The following NPAS2 variants were observed in gnomAD, a reference collection of about 807,000 sequenced individuals.
The protein encoded by NPAS2 is neuronal PAS domain protein 2.
In NPAS2, 23 loss-of-function variants were observed where a neutral mutation model predicts 107.5. That is an observed-to-expected ratio of 0.21 (90% CI 0.15 to 0.30). The LOEUF (loss-of-function observed/expected upper bound fraction) is 0.30, where lower values mean the gene tolerates loss of function less well. NPAS2 is among the 10% of genes least tolerant of loss of function. The pLI, the probability that NPAS2 is intolerant of heterozygous loss-of-function variation, is 1.00. For missense variants in NPAS2, 756 were observed against 1,043.3 expected, an observed-to-expected ratio of 0.72 and a Z score of 3.79; for synonymous variants, 403 against 417.5, an observed-to-expected ratio of 0.97 and a Z score of 0.42.
chr2:100,984,322 C>T (rs943150407), intron 16 of NPAS2: 1 of 152,132 alleles, frequency 6.6e-6, no homozygotes, highest in African/African-American at 2.4e-5. Context: ...TTAAACTAAA[C>T]TGTGTGATTC....
At chr2:100,855,372 G>A (rs1678491292) in intron 1 of NPAS2, among the ~76,000 whole-genome samples, 2 of 152,152 alleles carry the variant, frequency 1.3e-5, no homozygotes, top group South Asian at 4.1e-4. Context: ...CTCGACCGCG[G>A]GTAGAGCTGG....
intron 1 of NPAS2, among the ~76,000 whole-genome samples, chr2:100,843,557 GAT>G (rs1437698034): frequency 1.3e-5 from 2 of 152,166 alleles, no homozygotes; most frequent in African/African-American, 4.8e-5. Context: ...TATGTTTTGA[GAT>G]AGTTTGTCCT....
chr2:100,927,140 T>G (rs1026566073), intron 3 of NPAS2, among the ~76,000 whole-genome samples: 3 of 152,030 alleles, frequency 2.0e-5, no homozygotes, highest in African/African-American at 7.2e-5. Flanking sequence ...TTCACCATGT[T>G]AGCCAGGATA....
intron 1 of NPAS2, among the ~76,000 whole-genome samples, chr2:100,828,082 T>G (rs1676499532): frequency 6.6e-6 from 1 of 152,176 alleles, no homozygotes; most frequent in Non-Finnish European, 1.5e-5. Flanking sequence ...CAGCATGTGT[T>G]TTTTGACTTT....
At chr2:100,868,573 C>T (rs1679383120) in intron 1 of NPAS2, among the ~76,000 whole-genome samples, 1 of 152,272 alleles carries the variant, frequency 6.6e-6, no homozygotes, top group Non-Finnish European at 1.5e-5. Flanking sequence ...ATTTCCTAGA[C>T]CCCATTCCCT....
intron 1 of NPAS2, among the ~76,000 whole-genome samples, chr2:100,843,741 TAA>T (rs917982913): frequency 1.3e-5 from 2 of 152,168 alleles, no homozygotes; most frequent in African/African-American, 4.8e-5. Context: ...ATGACATTTA[TAA>T]AGAGATCTAA....
intron 11 of NPAS2, chr2:100,970,468 T>G (rs981714354): frequency 6.6e-6 from 1 of 152,620 alleles, no homozygotes. Context: ...CTGTGTTGAG[T>G]TGATTTACCC....
At chr2:100,914,225 G>A (rs1405248370) in intron 2 of NPAS2, among the ~76,000 whole-genome samples, 1 of 152,156 alleles carries the variant, frequency 6.6e-6, no homozygotes, top group South Asian at 2.1e-4. Flanking sequence ...CTTGCATTAT[G>A]TGGTGACTCT....
intron 15 of NPAS2, among the ~76,000 whole-genome samples, chr2:100,981,665 G>A (rs1347112524): frequency 6.6e-6 from 1 of 152,102 alleles, no homozygotes; most frequent in South Asian, 2.1e-4. Context: ...TCCGAGACGT[G>A]CATAGTAGCA....
At chr2:100,921,702 A>G (rs540900617) in intron 2 of NPAS2, among the ~76,000 whole-genome samples, 1 of 152,356 alleles carries the variant, frequency 6.6e-6, no homozygotes, top group South Asian at 2.1e-4. Context: ...GGAAAATGCA[A>G]ATCCAAGCCG....
At chr2:100,899,689 TAA>T (rs1681651827) in intron 1 of NPAS2, among the ~76,000 whole-genome samples, 2 of 152,238 alleles carry the variant, frequency 1.3e-5, no homozygotes, top group African/African-American at 4.8e-5. Context: ...TATTTTTTAA[TAA>T]GTTTATCTTA....
intron 1 of NPAS2, among the ~76,000 whole-genome samples, chr2:100,832,780 G>A (rs1676822939): frequency 6.6e-6 from 1 of 152,094 alleles, no homozygotes; most frequent in Admixed American, 6.5e-5. Context: ...ATTCTTCTTG[G>A]GCTCCCAGTT....
intron 1 of NPAS2, among the ~76,000 whole-genome samples, chr2:100,900,187 C>G (rs532245218): frequency 2.8e-4 from 43 of 152,326 alleles, no homozygotes; most frequent in African/African-American, 1.0e-3. Flanking sequence ...AAAATGTTCA[C>G]CATTCATATT....
At chr2:100,988,957 G>T (rs777227370) in intron 17 of NPAS2, 53 of 150,616 alleles carry the variant, frequency 3.5e-4, no homozygotes, top group Non-Finnish European at 5.8e-4. Flanking sequence ...TCCTCCAGGC[G>T]CCCCCTGCTC....
intron 1 of NPAS2, among the ~76,000 whole-genome samples, chr2:100,879,549 T>G (rs993596254): frequency 5.9e-5 from 9 of 152,046 alleles, no homozygotes; most frequent in Non-Finnish European, 1.2e-4. Context: ...TCTTCTCTTA[T>G]CTCTGTTTTT....
intron 4 of NPAS2, among the ~76,000 whole-genome samples, chr2:100,937,503 G>A (rs1301919567): frequency 1.3e-5 from 2 of 152,188 alleles, no homozygotes; most frequent in African/African-American, 2.4e-5. Flanking sequence ...AATGTTATTT[G>A]ATTATGCCAC....
At chr2:100,977,602 C>T (rs1415387091) in intron 14 of NPAS2, 108 bp from the exon 15 acceptor site, 2 of 869,692 alleles carry the variant, frequency 2.3e-6, no homozygotes, top group Non-Finnish European at 3.8e-6. Flanking sequence ...TGACTTGGAG[C>T]TGTTCACCCC....
chr2:100,937,083 C>T (rs918690509), intron 4 of NPAS2, among the ~76,000 whole-genome samples: 1 of 152,084 alleles, frequency 6.6e-6, no homozygotes, highest in Non-Finnish European at 1.5e-5. Context: ...GACAGTGTGC[C>T]CAGCATAGAG....
intron 10 of NPAS2, among the ~76,000 whole-genome samples, chr2:100,966,259 C>T (rs1000406367): frequency 4.6e-5 from 7 of 151,906 alleles, no homozygotes; most frequent in South Asian, 2.1e-4. Flanking sequence ...GGGATGTGGT[C>T]GGTGCATTGA....
Sources: allele counts gnomAD v4.1 joint callset (sites outside exome capture counted in the v4.1 genomes callset), GRCh38; gene constraint gnomAD v4.1.1; transcripts MANE v1.5; gene names NCBI Gene and HGNC (gene_info 2026-07-23, HGNC 2026-07-21).